Variants in NLGN4X observed in about 807,000 individuals in gnomAD.
NLGN4X encodes the protein neuroligin 4 X-linked.
NLGN4X carries 3 observed loss-of-function variants against 40.3 expected under a neutral mutation model. The ratio of observed to expected loss-of-function variants is 0.07; its 90% confidence interval spans 0.03 to 0.19. NLGN4X has a LOEUF of 0.19. Ranked by LOEUF, NLGN4X falls within the 10% of genes least tolerant of loss-of-function variation. NLGN4X has a pLI of 1.00. For synonymous variants in NLGN4X, 270 were observed against 306.8 expected (o/e 0.88, Z 1.25); for missense variants, 382 against 708.3 (o/e 0.54, Z 5.23).
At chrX:6,154,332 G>A (rs751313119) in intron 1 of NLGN4X, among the ~76,000 whole-genome samples, 13 of 112,087 alleles carry the variant, frequency 1.2e-4, no homozygotes, top group Middle Eastern at 9.2e-3. Flanking sequence ...TAGTGCTGTC[G>A]TGTATGTGTG....
chrX:6,162,526 C>T (rs1176595064), intron 1 of NLGN4X, among the ~76,000 whole-genome samples: 1 of 111,753 alleles, frequency 8.9e-6, no homozygotes, highest in Non-Finnish European at 1.9e-5. Context: ...GTGCTAGATG[C>T]TTCCTGCCCT....
intron 3 of NLGN4X, among the ~76,000 whole-genome samples, chrX:5,925,240 TTTG>T (rs2033226288): frequency 8.9e-6 from 1 of 111,900 alleles, no homozygotes; most frequent in Non-Finnish European, 1.9e-5. Context: ...AATGAGCTGT[TTTG>T]GGGTTAGTGT....
At chrX:6,036,608 G>GCA (rs202140186) in intron 2 of NLGN4X, among the ~76,000 whole-genome samples, 25,253 of 75,170 alleles carry the variant, frequency 0.34, 2,765 homozygotes, top group Middle Eastern at 0.38. Flanking sequence ...CTTGTGGCTG[G>GCA]CGCACACACA....
At chrX:6,049,684 A>T (rs760833502) in intron 2 of NLGN4X, among the ~76,000 whole-genome samples, 119 of 96,560 alleles carry the variant, frequency 1.2e-3, no homozygotes, top group African/African-American at 4.0e-3. Flanking sequence ...AACTCTTAAG[A>T]GGGTGAAAGT....
chrX:5,925,891 T>C (rs9699006), intron 3 of NLGN4X, among the ~76,000 whole-genome samples: 900 of 12,053 alleles, frequency 0.075, 45 homozygotes, highest in Non-Finnish European at 0.09. Context: ...CATATATATA[T>C]ATATATATAT....
chrX:5,916,153 C>T (rs1601879315), intron 3 of NLGN4X, among the ~76,000 whole-genome samples: 1 of 107,334 alleles, frequency 9.3e-6, no homozygotes, highest in Non-Finnish European at 2.0e-5. Flanking sequence ...ACCCAGGAGT[C>T]CTAATTCTTT....
chrX:5,924,019 T>C (rs916025985), intron 3 of NLGN4X, among the ~76,000 whole-genome samples: 14 of 112,022 alleles, frequency 1.2e-4, no homozygotes, highest in African/African-American at 4.5e-4. Context: ...GTAATCTACA[T>C]TTACATAAGT....
intron 2 of NLGN4X, among the ~76,000 whole-genome samples, chrX:6,150,618 G>A (rs1344615542): frequency 8.9e-6 from 1 of 111,799 alleles, no homozygotes. Context: ...GCAAACTGGA[G>A]CATAATAGTG....
intron 2 of NLGN4X, among the ~76,000 whole-genome samples, chrX:6,119,085 C>T (rs1191534724): frequency 8.9e-6 from 1 of 112,185 alleles, no homozygotes; most frequent in East Asian, 2.8e-4. Context: ...ATCTGAAATA[C>T]TCCAAAATAA....
chrX:5,944,185 C>T (rs895629763), intron 3 of NLGN4X, among the ~76,000 whole-genome samples: 1 of 111,751 alleles, frequency 8.9e-6, no homozygotes, highest in African/African-American at 3.3e-5. Flanking sequence ...ATTCTTGAAA[C>T]AGTTACACCC....
chrX:6,056,547 G>A (rs752722649), intron 2 of NLGN4X, among the ~76,000 whole-genome samples: 16 of 111,798 alleles, frequency 1.4e-4, no homozygotes, highest in Admixed American at 1.9e-4. Flanking sequence ...CTTTGTTTGG[G>A]CTGAAGGAAG....
chrX:5,920,492 TA>T (rs1173191208), intron 3 of NLGN4X, among the ~76,000 whole-genome samples: 3 of 112,024 alleles, frequency 2.7e-5, no homozygotes, highest in African/African-American at 9.7e-5. Context: ...GTCCTGGCTT[TA>T]ACCAGGTTAG....
intron 2 of NLGN4X, among the ~76,000 whole-genome samples, chrX:6,067,688 T>C (rs974091303): frequency 1.8e-5 from 2 of 111,355 alleles, no homozygotes; most frequent in Admixed American, 9.6e-5. Flanking sequence ...CTATATTCCA[T>C]ATAATTATTT....
At chrX:6,217,538 C>T (rs1176965331) in intron 1 of NLGN4X, among the ~76,000 whole-genome samples, 2 of 111,779 alleles carry the variant, frequency 1.8e-5, no homozygotes, top group Admixed American at 1.9e-4. Flanking sequence ...CTATGGGAAG[C>T]CATGTGTGAT....
intron 3 of NLGN4X, among the ~76,000 whole-genome samples, chrX:5,929,275 C>A (rs1238637140): frequency 9.0e-6 from 1 of 110,681 alleles, no homozygotes; most frequent in Non-Finnish European, 1.9e-5. Context: ...CCAGCCTGGC[C>A]AACATGGTGA....
At chrX:5,918,550 G>A (rs892584804) in intron 3 of NLGN4X, among the ~76,000 whole-genome samples, 2 of 112,159 alleles carry the variant, frequency 1.8e-5, no homozygotes, top group Non-Finnish European at 3.8e-5. Context: ...AATTGAGGAA[G>A]GGCAAATTAT....
At chrX:6,132,191 G>T (rs1008203344) in intron 2 of NLGN4X, among the ~76,000 whole-genome samples, 3 of 111,481 alleles carry the variant, frequency 2.7e-5, no homozygotes, top group Non-Finnish European at 3.8e-5. Context: ...GGCATTTGGG[G>T]GCTGGATGAT....
intron 1 of NLGN4X, among the ~76,000 whole-genome samples, chrX:6,165,857 T>C (rs1422273190): frequency 9.0e-6 from 1 of 111,205 alleles, no homozygotes; most frequent in Non-Finnish European, 1.9e-5. Context: ...TGTATATACA[T>C]ATACATATAT....
chrX:6,013,424 A>G (rs1305259948), intron 3 of NLGN4X, among the ~76,000 whole-genome samples: 1 of 111,296 alleles, frequency 9.0e-6, no homozygotes, highest in East Asian at 2.8e-4. Flanking sequence ...AAAATGAGTA[A>G]ATAGATTCAC....
Sources: allele counts gnomAD v4.1 joint callset (sites outside exome capture counted in the v4.1 genomes callset), GRCh38; gene constraint gnomAD v4.1.1; transcripts MANE v1.5; gene names NCBI Gene and HGNC (gene_info 2026-07-23, HGNC 2026-07-21).